The following EML1 variants were observed in gnomAD, a reference collection of about 807,000 sequenced individuals.
The protein encoded by EML1 is EMAP like 1.
In EML1, 27 loss-of-function variants were observed where a neutral mutation model predicts 110.4. The observed-to-expected ratio is 0.24, with a 90% CI of 0.18 to 0.34. The LOEUF is 0.34. EML1 is among the 10% of genes least tolerant of loss of function. The pLI is 1.00. For missense variants in EML1, 741 were observed against 1,030.9 expected (o/e 0.72, Z 3.85); for synonymous variants, 344 against 385.8 (o/e 0.89, Z 1.27).
At chr14:99,826,875 C>G (rs1485909710) in intron 1 of EML1, among the ~76,000 whole-genome samples, 1 of 152,180 alleles carries the variant, frequency 6.6e-6, no homozygotes, top group Non-Finnish European at 1.5e-5. Flanking sequence ...CTGGAATATT[C>G]TACACAACAA....
intron 1 of EML1, among the ~76,000 whole-genome samples, chr14:99,843,078 A>AC (rs1334486745): frequency 6.6e-6 from 1 of 152,108 alleles, no homozygotes; most frequent in South Asian, 2.1e-4. Context: ...ACATAATGAG[A>AC]CCCCATCTCT....
intron 1 of EML1, among the ~76,000 whole-genome samples, chr14:99,758,600 C>T (rs1045160312): frequency 5.3e-5 from 8 of 152,152 alleles, no homozygotes; most frequent in Non-Finnish European, 7.4e-5. Context: ...CAGGCCTGCC[C>T]AGAGTCAGTC....
chr14:99,844,474 G>GGT (rs1256919624), intron 1 of EML1, among the ~76,000 whole-genome samples: 5 of 72,302 alleles, frequency 6.9e-5, no homozygotes, highest in Non-Finnish European at 1.2e-4. Flanking sequence ...GTGAGACTTT[G>GGT]TCAAAAAAAA....
chr14:99,824,134 T>G (rs1178813737), intron 1 of EML1, among the ~76,000 whole-genome samples: 1 of 152,014 alleles, frequency 6.6e-6, no homozygotes, highest in African/African-American at 2.4e-5. Flanking sequence ...TTTTTTGTAT[T>G]TTTTTAGTAG....
At chr14:99,812,999 C>T (rs562578493) in intron 1 of EML1, among the ~76,000 whole-genome samples, 26 of 152,178 alleles carry the variant, frequency 1.7e-4, no homozygotes, top group Non-Finnish European at 3.4e-4. Flanking sequence ...CACTGCGTAA[C>T]CTCCACATCC....
chr14:99,861,358 C>T (rs2059000786), intron 2 of EML1, among the ~76,000 whole-genome samples: 1 of 152,200 alleles, frequency 6.6e-6, no homozygotes, highest in Non-Finnish European at 1.5e-5. Context: ...GATTGGCCCT[C>T]AGCTTTAGGG....
chr14:99,884,572 T>G (rs1331218870), intron 4 of EML1, among the ~76,000 whole-genome samples: 2 of 151,932 alleles, frequency 1.3e-5, no homozygotes, highest in African/African-American at 4.8e-5. Context: ...TGGTAAAGGG[T>G]CTGCACAGGC....
At position 99,936,018 on chromosome 14, in the gene EML1, T is replaced by C. The variant is rs1426245006; in HGVS notation, c.1910-11T>C. On this transcript the variant is annotated splice_polypyrimidine_tract_variant and intron_variant, in intron 17 of 21. Transcript: ENST00000262233. This position sits in a 1 kb window ranked among gnomAD's most constrained non-coding sequence, Gnocchi z 5.5. ...TTAACATCTGAAATGTAATTTGTCA[T>C]CTTTTTATAGATGGGAATTTCTTAG... The C allele has an allele frequency of 1.2e-6, 2 of 1,612,992 alleles. No individual in the cohort carries two copies. The highest frequency in any genetic ancestry group is 1.3e-5 in the African/African-American group (1 of 74,906).
At chr14:99,935,955 G>C in intron 17 of EML1, 74 bp from the exon 18 acceptor site, 1 of 1,393,802 alleles carries the variant, frequency 7.2e-7, no homozygotes, top group East Asian at 2.3e-5. Context: ...TGTGGTGGCA[G>C]CTACCGTTAT....
At chr14:99,774,307 C>T (rs1211077058) in intron 1 of EML1, among the ~76,000 whole-genome samples, 2 of 152,172 alleles carry the variant, frequency 1.3e-5, no homozygotes, top group Non-Finnish European at 2.9e-5. Context: ...TGACCTCCAC[C>T]CTAACCCGCA....
chr14:99,793,242 G>A, upstream of EML1: 2 of 748,784 alleles, frequency 2.7e-6, no homozygotes, highest in Non-Finnish European at 3.2e-6. Flanking sequence ...TCCCCCTCCC[G>A]GCCCGGGCCC....
intron 1 of EML1, among the ~76,000 whole-genome samples, chr14:99,821,640 A>C (rs181696183): frequency 1.2e-3 from 177 of 152,310 alleles, no homozygotes; most frequent in African/African-American, 4.1e-3. Flanking sequence ...GGCTCTTTCC[A>C]TTTGTCACAC....
In EML1 at chr14:99,746,709, G is replaced by A. The variant is rs1028667645; in HGVS notation, c.28+8849G>A. Among the ~76,000 whole-genome samples, 13 of 152,046 alleles carry A rather than the reference G, an allele frequency of 8.6e-5. 1 individual carries two copies. The highest frequency in any genetic ancestry group is 6.3e-3 in the Middle Eastern group (2 of 316). ...ACCCCACGCCCTGGGCCCCCTCCACGCAGCCCAGGGCCTCACACCATCCCC... is the reference window on the plus strand; with the variant it reads ...ACCCCACGCCCTGGGCCCCCTCCACACAGCCCAGGGCCTCACACCATCCCC... On this transcript the variant is annotated intron_variant, in intron 1 of 10. Transcript: ENST00000554479.
At chr14:99,817,098 C>T (rs982540478) in intron 1 of EML1, among the ~76,000 whole-genome samples, 3 of 151,960 alleles carry the variant, frequency 2.0e-5, no homozygotes, top group African/African-American at 7.3e-5. Flanking sequence ...AAAGTTCTTT[C>T]TTTTTTTTCT....
upstream of EML1, among the ~76,000 whole-genome samples, chr14:99,772,691 G>A (rs190763766): frequency 4.1e-3 from 621 of 152,286 alleles, 4 homozygotes; most frequent in African/African-American, 0.014. Context: ...TGGAGCAAAA[G>A]GTTCATGAAT....
intron 1 of EML1, among the ~76,000 whole-genome samples, chr14:99,800,533 T>A (rs977638893): frequency 2.0e-5 from 3 of 152,058 alleles, no homozygotes; most frequent in Non-Finnish European, 2.9e-5. Flanking sequence ...GGCTAAATTT[T>A]AAAAAAATTT....
chr14:99,899,045 A>C (rs931502202), intron 8 of EML1, among the ~76,000 whole-genome samples: 2 of 152,188 alleles, frequency 1.3e-5, no homozygotes, highest in Non-Finnish European at 2.9e-5. Context: ...GTGTGCAGTC[A>C]CAAAAGCTAC....
rs140302677 is a variant in EML1, at chr14:99,764,434, C to T, written c.28+26574C>T. Among the ~76,000 whole-genome samples, 252 of 152,316 alleles carry T rather than the reference C, an allele frequency of 1.7e-3. 1 individual carries two copies. The highest frequency in any genetic ancestry group is 5.5e-3 in the African/African-American group (230 of 41,576). ...CCACTTCCCTGGCCACCGTCCTGGC[C>T]GAGGCAGAGCCCTGGGTTGGTCTTC... On this transcript the variant is annotated intron_variant, in intron 1 of 10. Coordinates refer to the EML1 transcript ENST00000554479.
At chr14:99,857,730 A>G (rs1317459709) in intron 2 of EML1, among the ~76,000 whole-genome samples, 2 of 152,196 alleles carry the variant, frequency 1.3e-5, no homozygotes, top group Non-Finnish European at 2.9e-5. Context: ...TTCAGGGTTC[A>G]CCCATGTTGG....
Sources: allele counts gnomAD v4.1 joint callset (sites outside exome capture counted in the v4.1 genomes callset), GRCh38; gene constraint gnomAD v4.1.1; non-coding constraint Gnocchi (gnomAD v3.1); transcripts MANE v1.5; gene names NCBI Gene and HGNC (gene_info 2026-07-23, HGNC 2026-07-21).